The following DLG2 variants were observed in gnomAD, a reference collection of about 807,000 sequenced individuals.
The protein encoded by DLG2 is disks large homolog 2.
DLG2 carries 45 observed loss-of-function variants against 132.5 expected under a neutral mutation model. That is an observed-to-expected ratio of 0.34 (90% CI 0.27 to 0.44). DLG2 has a LOEUF of 0.44. Ranked by LOEUF, DLG2 falls within the 20% of genes least tolerant of loss-of-function variation. The pLI is 1.00. For synonymous variants in DLG2, 424 were observed against 419.6 expected (o/e 1.01, Z -0.13); for missense variants, 1,045 against 1,196.9 (o/e 0.87, Z 1.87).
intron 7 of DLG2, among the ~76,000 whole-genome samples, chr11:84,467,723 A>G (rs1178350969): frequency 6.6e-6 from 1 of 151,496 alleles, no homozygotes; most frequent in East Asian, 1.9e-4. Context: ...AATAGGGACT[A>G]GCTATTAAAT....
intron 6 of DLG2, among the ~76,000 whole-genome samples, chr11:84,963,592 A>T (rs922495249): frequency 2.6e-5 from 4 of 152,220 alleles, no homozygotes; most frequent in Non-Finnish European, 5.9e-5. Context: ...ATTTTTAGAA[A>T]GACAGGAGGA....
intron 3 of DLG2, among the ~76,000 whole-genome samples, chr11:85,348,555 A>G (rs1267339903): frequency 6.6e-6 from 1 of 152,138 alleles, no homozygotes; most frequent in Non-Finnish European, 1.5e-5. Flanking sequence ...ATCAGAAGTT[A>G]TACCAAGGCA....
intron 7 of DLG2, among the ~76,000 whole-genome samples, chr11:84,483,720 T>G (rs1419348777): frequency 1.3e-5 from 2 of 152,038 alleles, no homozygotes; most frequent in Non-Finnish European, 2.9e-5. Context: ...AATTGCAAAA[T>G]GAAGAAAATA....
intron 3 of DLG2, 149 bp from the exon 4 acceptor site, chr11:85,285,514 C>T: frequency 3.0e-6 from 2 of 674,330 alleles, no homozygotes; most frequent in Admixed American, 3.1e-5. Context: ...AGAAGAAATC[C>T]TGAAAATTAT....
intron 7 of DLG2, among the ~76,000 whole-genome samples, chr11:84,354,536 A>T (rs2098599607): frequency 6.6e-6 from 1 of 152,150 alleles, no homozygotes; most frequent in Admixed American, 6.6e-5. Flanking sequence ...TATTTGCTAA[A>T]AATATGAATA....
At chr11:84,196,947 G>T (rs993163006) in intron 8 of DLG2, among the ~76,000 whole-genome samples, 1 of 145,166 alleles carries the variant, frequency 6.9e-6, no homozygotes, top group Non-Finnish European at 1.5e-5. Flanking sequence ...TGAGGCAAGA[G>T]AAGCGCTTGA....
chr11:84,600,017 C>T (rs1265298095), intron 6 of DLG2, among the ~76,000 whole-genome samples: 1 of 145,228 alleles, frequency 6.9e-6, no homozygotes, highest in East Asian at 2.0e-4. Flanking sequence ...CTGAGCCCTG[C>T]GAGGCTGAGG....
At position 83,458,890 on chromosome 11, in the gene DLG2, GGTAA is replaced by G. The variant is rs1420286567; in HGVS notation, c.*924_*927del. 6.6e-6 allele frequency: 1 copy of G among 152,314 alleles called. No homozygotes were observed. Among genetic ancestry groups the G allele is most frequent in the South Asian group, 2.1e-4 (1 of 4,826 alleles). The allele number at this position is 152,314 out of a possible 1,614,324, so 9.4% of individuals were successfully genotyped here. On this transcript the variant is annotated 3_prime_UTR_variant, in exon 28 of 28. Coordinates refer to ENST00000376104, the MANE Select transcript of DLG2 (RefSeq NM_001142699.3). The stretch of plus-strand genomic sequence containing the variant: ...GAGTGTATCACTAATGTGGAAGGGA[GGTAA>G]GTGAGGAAGAAGTCTTTGTCAGACT...
At chr11:84,520,784 A>G (rs1300819786) in intron 7 of DLG2, among the ~76,000 whole-genome samples, 2 of 152,208 alleles carry the variant, frequency 1.3e-5, no homozygotes, top group African/African-American at 4.8e-5. Flanking sequence ...TTAAGCGTAG[A>G]TGGTAAAATT....
At chr11:84,678,184 T>C (rs189290756) in intron 6 of DLG2, among the ~76,000 whole-genome samples, 13 of 152,198 alleles carry the variant, frequency 8.5e-5, no homozygotes, top group African/African-American at 1.2e-4. Flanking sequence ...TAGCTGCTTT[T>C]CTCTTCCTTT....
In DLG2 at chr11:84,506,079, C is replaced by CTTTTTTTT. The variant is rs779039240; in HGVS notation, c.519+28483_519+28490dup. Among the ~76,000 whole-genome samples the CTTTTTTTT allele has an allele frequency of 8.3e-4, 89 of 107,028 alleles. 9 individuals are homozygous for CTTTTTTTT. Among genetic ancestry groups the CTTTTTTTT allele is most frequent in the South Asian group, 2.2e-3 (7 of 3,162 alleles). The allele number at this position is 107,028 out of a possible 152,430, so 70.2% of individuals were successfully genotyped here. ...CTAATGTTATGACAGAGGCTCAGTT[C>CTTTTTTTT]TTTTTTTTTTTTTTGAGACGGAGTC... On this transcript the variant is annotated intron_variant, in intron 7 of 27. Coordinates refer to ENST00000376104, the MANE Select transcript of DLG2 (RefSeq NM_001142699.3).
At chr11:84,849,538 T>A (rs1288128853) in intron 6 of DLG2, among the ~76,000 whole-genome samples, 1 of 152,132 alleles carries the variant, frequency 6.6e-6, no homozygotes, top group Non-Finnish European at 1.5e-5. Context: ...GGTGTTGTTG[T>A]TGCTGTTGTT....
At position 85,151,250 on chromosome 11, in the gene DLG2, A is replaced by G. The variant is rs11825860; in HGVS notation, c.282+3306T>C. ...TTGTTGAGTTGTAGAAGTTCTTCAT[A>G]TATTCTGGATATAAAGCTTTCACAT... is the stretch of plus-strand genomic sequence containing the variant. On this transcript the variant is annotated intron_variant, in intron 5 of 27. Transcript: ENST00000376104. Among the ~76,000 whole-genome samples the G allele has an allele frequency of 9.6e-3, 1,458 of 152,250 alleles. 20 individuals carry two copies. The highest frequency in any genetic ancestry group is 0.032 in the African/African-American group (1,318 of 41,522).
At chr11:83,814,487 G>T (rs778361672) in intron 17 of DLG2, 1 of 212,750 alleles carries the variant, frequency 4.7e-6, no homozygotes, top group Non-Finnish European at 1.0e-5. Flanking sequence ...AATTCCCAAA[G>T]TGTTTCTGTG....
chr11:85,212,628 T>C (rs957218715), intron 4 of DLG2, among the ~76,000 whole-genome samples: 5 of 152,284 alleles, frequency 3.3e-5, no homozygotes, highest in Middle Eastern at 3.4e-3. Flanking sequence ...CAAAAACTAA[T>C]GCTCAGCATT....
intron 7 of DLG2, among the ~76,000 whole-genome samples, chr11:84,520,819 T>C (rs1296248743): frequency 6.6e-6 from 1 of 152,170 alleles, no homozygotes; most frequent in East Asian, 1.9e-4. Context: ...ATAACCTCCT[T>C]AATCTTAATT....
chr11:83,472,280 C>T (rs905861393), intron 23 of DLG2, among the ~76,000 whole-genome samples: 4 of 152,064 alleles, frequency 2.6e-5, no homozygotes, highest in African/African-American at 4.8e-5. Flanking sequence ...TCTGCAGTAT[C>T]CTTGTCAGTA....
intron 6 of DLG2, among the ~76,000 whole-genome samples, chr11:84,949,702 A>T (rs1157105516): frequency 1.3e-5 from 2 of 152,190 alleles, no homozygotes; most frequent in African/African-American, 4.8e-5. Context: ...TATCTCTCTT[A>T]TTCTCTGAAC....
At chr11:84,105,230 G>T (rs978670523) in intron 9 of DLG2, among the ~76,000 whole-genome samples, 1 of 152,124 alleles carries the variant, frequency 6.6e-6, no homozygotes, top group Admixed American at 6.5e-5. Context: ...AAGTGATACG[G>T]TTTAGTGGAA....
Sources: gnomAD v4.1 joint callset for allele counts (sites outside exome capture counted in the v4.1 genomes callset) on GRCh38, gnomAD v4.1.1 for gene constraint, MANE v1.5 for transcripts, NCBI Gene and HGNC (gene_info 2026-07-23, HGNC 2026-07-21) for gene names.